Variants in MYH16 observed in about 807,000 individuals in gnomAD.
The protein encoded by MYH16 is putative uncharacterized protein MYH16.
chr7:99,252,868 T>C (rs4729523), exon 7 of MYH16: 107,522 of 154,428 alleles, frequency 0.7, 41,569 homozygotes, highest in Non-Finnish European at 0.87. Flanking sequence ...GGAGCCGACA[T>C]AGAGAGCTGT....
intron 33 of MYH16, among the ~76,000 whole-genome samples, chr7:99,295,117 G>T (rs949680937): frequency 6.6e-6 from 1 of 152,012 alleles, no homozygotes; most frequent in African/African-American, 2.4e-5. Flanking sequence ...GGTGGCTCAT[G>T]CCTGTAATTC....
rs1344706445 is a variant in MYH16, at chr7:99,284,229, G to C, written n.3225+211G>C. On this transcript the variant is annotated intron_variant and non_coding_transcript_variant, in intron 25 of 41. Transcript: ENST00000439784. Reference sequence around the variant, plus strand: ...TGTCACACAATACCTGGTGGGCACTGGGGAGGAGACAAGCGCCACCACCCC... The same window carrying C: ...TGTCACACAATACCTGGTGGGCACTCGGGAGGAGACAAGCGCCACCACCCC... Among the ~76,000 whole-genome samples, 3 of 152,126 alleles carry C rather than the reference G, an allele frequency of 2.0e-5. No individual in the cohort carries two copies. In the East Asian group the frequency reaches 5.8e-4, roughly 29 times the overall value.
At position 99,303,195 on chromosome 7, in the gene MYH16, G is replaced by C. The variant is rs1464275508; in HGVS notation, n.5263+5G>C. 1.3e-5 allele frequency: 2 copies of C among 152,722 alleles called. No homozygotes were observed. The highest frequency in any genetic ancestry group is 2.4e-5 in the African/African-American group (1 of 41,482). 9.5% of individuals were successfully genotyped at this position (152,722 alleles called of 1,614,324 possible). On this transcript the variant is annotated splice_donor_5th_base_variant and intron_variant and non_coding_transcript_variant, in intron 39 of 41. Transcript: ENST00000439784. ...GCCAAGAAGGCCATGATGGACGTAA[G>C]TGCGTGTGCCCCTTGCTGCTAGCAG...
At chr7:99,284,345 C>T (rs559665493) in intron 25 of MYH16, among the ~76,000 whole-genome samples, 13 of 152,298 alleles carry the variant, frequency 8.5e-5, no homozygotes, top group Middle Eastern at 3.4e-3. Flanking sequence ...AATCCCAGCA[C>T]TTTGGGATGC....
intron 23 of MYH16, among the ~76,000 whole-genome samples, chr7:99,281,663 T>C (rs992264368): frequency 6.6e-6 from 1 of 152,184 alleles, no homozygotes; most frequent in African/African-American, 2.4e-5. Context: ...TGTATGGAAC[T>C]GTCCCGTGAG....
intron 18 of MYH16, among the ~76,000 whole-genome samples, chr7:99,267,322 A>G (rs907328898): frequency 6.6e-6 from 1 of 152,182 alleles, no homozygotes; most frequent in Non-Finnish European, 1.5e-5. Context: ...TGGAACTCCC[A>G]GGCTCAAGTG....
intron 11 of MYH16, among the ~76,000 whole-genome samples, chr7:99,258,758 A>T (rs1791902639): frequency 6.6e-6 from 1 of 152,104 alleles, no homozygotes; most frequent in Non-Finnish European, 1.5e-5. Context: ...ACATTGGCAA[A>T]CACTATAAAT....
At chr7:99,255,216 C>A (rs1167459365) in intron 8 of MYH16, among the ~76,000 whole-genome samples, 1 of 152,148 alleles carries the variant, frequency 6.6e-6, no homozygotes, top group Non-Finnish European at 1.5e-5. Context: ...TTGCAGTGGG[C>A]CGAGATTGCG....
intron 31 of MYH16, among the ~76,000 whole-genome samples, chr7:99,291,756 C>G (rs1420849986): frequency 3.9e-5 from 6 of 152,154 alleles, no homozygotes; most frequent in Middle Eastern, 3.4e-3. Flanking sequence ...GTCAGGAGTT[C>G]GAGACCAGTC....
chr7:99,257,748 A>G (rs1401807125), intron 10 of MYH16, among the ~76,000 whole-genome samples: 1 of 152,132 alleles, frequency 6.6e-6, no homozygotes, highest in Non-Finnish European at 1.5e-5. Flanking sequence ...GTAGGCTCAA[A>G]TGATCCTCCT....
chr7:99,291,826 G>A (rs577600713), intron 31 of MYH16, among the ~76,000 whole-genome samples: 1 of 152,212 alleles, frequency 6.6e-6, no homozygotes, highest in South Asian at 2.1e-4. Context: ...GGGCATGGTG[G>A]TGAGTGCCTA....
At chr7:99,253,767 C>A in exon 8 of MYH16, 1 of 198,958 alleles carries the variant, frequency 5.0e-6, no homozygotes, top group East Asian at 1.2e-4. Flanking sequence ...AGCAAGCAGC[C>A]GAGAGAAGCT....
chr7:99,303,261 A>C (rs1223268907), intron 39 of MYH16, 71 bp downstream of exon 20: 1 of 152,526 alleles, frequency 6.6e-6, no homozygotes, highest in Non-Finnish European at 1.5e-5. Context: ...CTGCCTGGGC[A>C]GGAAGGCCAC....
At chr7:99,308,546 A>C (rs937358732), downstream of MYH16, among the ~76,000 whole-genome samples, 10 of 152,114 alleles carry the variant, frequency 6.6e-5, no homozygotes, top group African/African-American at 2.4e-4. Context: ...GTGATTCTGG[A>C]GGAGTGGATC....
chr7:99,247,419 C>T (rs958097675), intron 2 of MYH16, among the ~76,000 whole-genome samples: 2 of 152,238 alleles, frequency 1.3e-5, no homozygotes, highest in Non-Finnish European at 2.9e-5. Context: ...AGGTGATCCA[C>T]CTGCCTCGGT....
intron 1 of MYH16, among the ~76,000 whole-genome samples, chr7:99,239,415 T>C (rs1209745815): frequency 6.6e-6 from 1 of 152,194 alleles, no homozygotes; most frequent in Admixed American, 6.5e-5. Context: ...CTGTGTGCCA[T>C]GGCCCCTGGT....
chr7:99,294,500 CAAAAAAAAAAAAAAA>C lies in MYH16; in HGVS notation n.4282+360_4282+374del, dbSNP rs1159682450. Among the ~76,000 whole-genome samples the C allele has an allele frequency of 3.5e-4, 9 of 25,568 alleles. No individual in the cohort carries two copies. In the Admixed American group the frequency reaches 4.9e-3, roughly 14 times the overall value. 16.8% of individuals were successfully genotyped at this position (25,568 alleles called of 152,430 possible). A position where few individuals can be genotyped will look rare whatever the true frequency, so the allele number is the denominator to read the frequency against. On this transcript the variant is annotated intron_variant and non_coding_transcript_variant, in intron 33 of 41. Coordinates refer to ENST00000439784, the Ensembl canonical transcript of MYH16. Reference sequence around the variant, plus strand: ...TGAACAACACAGGGAGACCCTGTCTCAAAAAAAAAAAAAAAAAAAAAAAAGAAAAAGAAAAAGAAA... The same window carrying C: ...TGAACAACACAGGGAGACCCTGTCTCAAAAAAAAAGAAAAAGAAAAAGAAA...
exon 27 of MYH16, chr7:99,285,413 A>G (rs1485615519): frequency 6.6e-6 from 3 of 456,618 alleles, no homozygotes; most frequent in African/African-American, 6.0e-5. Flanking sequence ...GAAGAACTAG[A>G]AGCTGAGAGG....
chr7:99,271,649 T>G (rs866612167), intron 19 of MYH16, among the ~76,000 whole-genome samples: 1 of 152,244 alleles, frequency 6.6e-6, no homozygotes, highest in African/African-American at 2.4e-5. Context: ...ATGTGATAAC[T>G]TGATACATTC....
Sources: gnomAD v4.1 joint callset for allele counts (sites outside exome capture counted in the v4.1 genomes callset) on GRCh38, gnomAD v4.1.1 for gene constraint, MANE v1.5 for transcripts, NCBI Gene and HGNC (gene_info 2026-07-23, HGNC 2026-07-21) for gene names.